Variants in ENOX2 observed in about 807,000 individuals in gnomAD.
ENOX2 encodes APK1 antigen.
A neutral mutation model predicts 45.0 loss-of-function variants in ENOX2; 36 were observed. The observed-to-expected ratio is 0.80, with a 90% CI of 0.61 to 1.06. The LOEUF (loss-of-function observed/expected upper bound fraction) is 1.06, where lower values mean the gene tolerates loss of function less well. Among genes scored for constraint, ENOX2 ranks in the 50% least tolerant of loss-of-function variants. The pLI is 0.00. For synonymous variants in ENOX2, 174 were observed against 152.3 expected, an observed-to-expected ratio of 1.14 and a Z score of -1.05; for missense variants, 423 against 462.5, an observed-to-expected ratio of 0.91 and a Z score of 0.78.
At chrX:130,800,342 C>CAA (rs199592323) in intron 2 of ENOX2, among the ~76,000 whole-genome samples, 37 of 62,128 alleles carry the variant, frequency 6.0e-4, no homozygotes, top group African/African-American at 1.3e-3. Context: ...AATGAGTAGT[C>CAA]AAAAAAAAAA....
At chrX:130,675,692 T>C (rs1186351683) in intron 6 of ENOX2, among the ~76,000 whole-genome samples, 1 of 111,091 alleles carries the variant, frequency 9.0e-6, no homozygotes, top group Non-Finnish European at 1.9e-5. Flanking sequence ...ACTAATCTGA[T>C]AGAGAACAGA....
intron 2 of ENOX2, among the ~76,000 whole-genome samples, chrX:130,892,142 C>G (rs1300410915): frequency 9.0e-6 from 1 of 111,435 alleles, no homozygotes; most frequent in African/African-American, 3.3e-5. Context: ...CACAGCAATA[C>G]AAGAAAGAAA....
chrX:130,806,650 TG>T (rs2077305531), intron 2 of ENOX2, among the ~76,000 whole-genome samples: 1 of 112,347 alleles, frequency 8.9e-6, no homozygotes. Flanking sequence ...ATATTTATTC[TG>T]AAACAGCCTA....
chrX:130,784,578 A>T (rs2076940602), intron 2 of ENOX2, among the ~76,000 whole-genome samples: 1 of 106,802 alleles, frequency 9.4e-6, no homozygotes. Context: ...GGCCTGATAT[A>T]GCTCACTCTT....
At chrX:130,800,545 A>C (rs1277468878) in intron 2 of ENOX2, among the ~76,000 whole-genome samples, 1 of 111,712 alleles carries the variant, frequency 9.0e-6, no homozygotes, top group Admixed American at 9.5e-5. Flanking sequence ...TTTCTATTTT[A>C]ATACATCTAC....
intron 2 of ENOX2, among the ~76,000 whole-genome samples, chrX:130,806,071 A>C (rs1285644187): frequency 8.9e-6 from 1 of 111,958 alleles, no homozygotes; most frequent in African/African-American, 3.2e-5. Flanking sequence ...GTGGTCTCAG[A>C]GTGCATTATC....
At chrX:130,728,040 T>C (rs965920926) in intron 3 of ENOX2, among the ~76,000 whole-genome samples, 3 of 111,504 alleles carry the variant, frequency 2.7e-5, no homozygotes, top group African/African-American at 9.8e-5. Flanking sequence ...TTAAGCTTTG[T>C]CAGTAGAGGG....
Position 130,665,693 on chromosome X carries a change from AG to A in ENOX2, c.963del (p.Phe322SerfsTer27). 1 of 1,207,074 alleles carries A rather than the reference AG, an allele frequency of 8.3e-7. No individual in the cohort carries two copies. Among genetic ancestry groups the A allele is most frequent in the Non-Finnish European group, 1.1e-6 (1 of 893,046 alleles). On this transcript the variant is annotated frameshift_variant, in exon 9 of 15. Transcript: ENST00000394363. LOFTEE classifies it high-confidence loss of function. ...HSASKQKAWD[H>X]FTKAQRKNIS... ...ATGTTCTTCCGCTGGGCTTTTGTGAAGTGGTCCCATGCCTTCTGCTTGGAGG... is the reference window on the plus strand; with the variant it reads ...ATGTTCTTCCGCTGGGCTTTTGTGAATGGTCCCATGCCTTCTGCTTGGAGG...
rs1006138885 is a variant in ENOX2, at chrX:130,723,403, T to A, written c.-38-20149A>T. Among the ~76,000 whole-genome samples the A allele has an allele frequency of 6.2e-5, 7 of 112,408 alleles. 1 individual carries two copies. The highest frequency in any genetic ancestry group is 2.3e-4 in the African/African-American group (7 of 30,941). On this transcript the variant is annotated intron_variant, in intron 3 of 14. Transcript: ENST00000394363. ...TGGTTTTATTTAGGCAATATAGTAATGTAGCTTTCTGAATCTGATGTTCTT... is the reference window on the plus strand; with the variant it reads ...TGGTTTTATTTAGGCAATATAGTAAAGTAGCTTTCTGAATCTGATGTTCTT...
rs750023185 is a variant in ENOX2 at position 130,670,129 on chromosome X, T to C, written c.530A>G (p.Gln177Arg). 4 of 1,211,382 alleles carry C rather than the reference T, an allele frequency of 3.3e-6. No homozygotes were observed. Among genetic ancestry groups the C allele is most frequent in the South Asian group, 3.5e-5 (2 of 56,935 alleles). The change falls in exon 7 of 15, where the codon CAG (glutamine) becomes CGG (arginine). Residue 177 changes from glutamine (Q) to arginine (R), a missense_variant. Gln to Arg is a conservative substitution (Grantham distance 43). Coordinates refer to ENST00000394363, the MANE Select transcript of ENOX2 (RefSeq NM_006375.4). ...DTGRLHVDFA[Q>R]ARDDLYEWEC... ...CCACTCATACAGGTCATCTCGAGCC[T>C]GTGCGAAATCAACGTGGAGTCTGCC... is the stretch of plus-strand genomic sequence containing the variant.
chrX:130,636,438 T>G (rs1382178458), intron 11 of ENOX2, among the ~76,000 whole-genome samples: 2 of 112,254 alleles, frequency 1.8e-5, no homozygotes, highest in African/African-American at 3.2e-5. Flanking sequence ...ATTGCACAAT[T>G]TAAGATGTAA....
intron 2 of ENOX2, among the ~76,000 whole-genome samples, chrX:130,819,347 C>G (rs1307472470): frequency 9.0e-6 from 1 of 111,650 alleles, no homozygotes; most frequent in African/African-American, 3.3e-5. Context: ...ACCAGAAATA[C>G]CATTTGACCC....
chrX:130,638,011 G>A (rs2035976391), intron 10 of ENOX2, among the ~76,000 whole-genome samples: 1 of 111,139 alleles, frequency 9.0e-6, no homozygotes, highest in Non-Finnish European at 1.9e-5. Context: ...GGCACAGATG[G>A]AGTTGTGTTA....
chrX:130,653,942 T>TAA (rs2036474759), intron 10 of ENOX2, among the ~76,000 whole-genome samples: 1 of 112,161 alleles, frequency 8.9e-6, no homozygotes, highest in South Asian at 3.7e-4. Flanking sequence ...GGATGGCTGA[T>TAA]AAAATGCAGA....
chrX:130,735,977 G>T (rs188012938), intron 3 of ENOX2, among the ~76,000 whole-genome samples: 1 of 112,053 alleles, frequency 8.9e-6, no homozygotes, highest in Non-Finnish European at 1.9e-5. Context: ...TTCTCTCTGG[G>T]TGTTGTGATT....
At chrX:130,890,980 T>C (rs754527501) in intron 2 of ENOX2, among the ~76,000 whole-genome samples, 12 of 112,378 alleles carry the variant, frequency 1.1e-4, no homozygotes, top group Admixed American at 2.8e-4. Context: ...AATTTAGCCT[T>C]AATCTGCAGG....
chrX:130,652,671 G>A (rs897429380), intron 10 of ENOX2, among the ~76,000 whole-genome samples: 12 of 112,168 alleles, frequency 1.1e-4, no homozygotes, highest in African/African-American at 2.3e-4. Context: ...GGTTCTTTAC[G>A]AGGTAGTCAA....
chrX:130,754,014 CTTA>C (rs776075585), intron 3 of ENOX2, among the ~76,000 whole-genome samples: 3 of 111,305 alleles, frequency 2.7e-5, no homozygotes, highest in Non-Finnish European at 5.7e-5. Context: ...GTTAAATATA[CTTA>C]TTATGTATTT....
intron 2 of ENOX2, among the ~76,000 whole-genome samples, chrX:130,846,308 T>C (rs1011980905): frequency 3.6e-5 from 4 of 111,467 alleles, no homozygotes; most frequent in Non-Finnish European, 7.5e-5. Context: ...AGAGTGCTTA[T>C]GTGTATTACA....
Sources: allele counts gnomAD v4.1 joint callset (sites outside exome capture counted in the v4.1 genomes callset), GRCh38; gene constraint gnomAD v4.1.1; transcripts MANE v1.5; gene names NCBI Gene and HGNC (gene_info 2026-07-23, HGNC 2026-07-21).